The following PPARA variants were observed in gnomAD, a reference collection of about 807,000 sequenced individuals.
The protein encoded by PPARA is peroxisome proliferator-activated receptor alpha.
In PPARA, 22 loss-of-function variants were observed where a neutral mutation model predicts 42.2. The observed-to-expected ratio is 0.52, with a 90% CI of 0.37 to 0.74. The LOEUF is 0.74. Among genes scored for constraint, PPARA ranks in the 30% least tolerant of loss-of-function variants. The pLI is 0.00. For synonymous variants in PPARA, 242 were observed against 239.3 expected, an observed-to-expected ratio of 1.01 and a Z score of -0.10; for missense variants, 465 against 608.2, an observed-to-expected ratio of 0.76 and a Z score of 2.48.
In PPARA at chr22:46,191,710, A is replaced by C. The variant is rs1358613239; in HGVS notation, c.-42-6632A>C. Among the ~76,000 whole-genome samples, 1 of 152,178 alleles carries C rather than the reference A, an allele frequency of 6.6e-6. No individual in the cohort carries two copies. Among genetic ancestry groups the C allele is most frequent in the Non-Finnish European group, 1.5e-5 (1 of 68,018 alleles). On this transcript the variant is annotated intron_variant, in intron 3 of 8. Coordinates refer to ENST00000407236, the MANE Select transcript of PPARA (RefSeq NM_005036.6). This position sits in a 1 kb window ranked among gnomAD's most constrained non-coding sequence, Gnocchi z 4.6. ...ACAGAGCTGAGGTGAATTCTCACAG[A>C]CCATCACTGGGTTACTCCTGGAGTA...
At chr22:46,186,870 T>A (rs1002133771) in intron 3 of PPARA, among the ~76,000 whole-genome samples, 1 of 152,200 alleles carries the variant, frequency 6.6e-6, no homozygotes, top group African/African-American at 2.4e-5. Context: ...GTTTTTTCCC[T>A]GTATATGCAT....
chr22:46,215,751 A>AAT (rs1326775429), intron 5 of PPARA, among the ~76,000 whole-genome samples: 1 of 151,780 alleles, frequency 6.6e-6, no homozygotes, highest in African/African-American at 2.4e-5. Context: ...TTAAAAAAAA[A>AAT]GAAAGAAAAA....
At chr22:46,207,651 TTA>T (rs1569228019) in intron 4 of PPARA, among the ~76,000 whole-genome samples, 118 of 105,850 alleles carry the variant, frequency 1.1e-3, no homozygotes, top group African/African-American at 5.2e-3. Flanking sequence ...TAATTTATTA[TTA>T]TTATTATTAT....
In PPARA at chr22:46,234,178, G is replaced by C. The variant is rs757950416; in HGVS notation, c.1160-955G>C. 6.6e-6 allele frequency among the ~76,000 whole-genome samples: 1 copy of C among 152,118 alleles called. No individual in the cohort carries two copies. Among genetic ancestry groups the C allele is most frequent in the Non-Finnish European group, 1.5e-5 (1 of 68,028 alleles). Reference sequence around the variant, plus strand: ...TATAGCCCCAGCCACTCTGGAGGCCGAGGCAGGAGGATTGCTTGAGCCTAG... The same window carrying C: ...TATAGCCCCAGCCACTCTGGAGGCCCAGGCAGGAGGATTGCTTGAGCCTAG... On this transcript the variant is annotated intron_variant, in intron 8 of 8. Coordinates refer to ENST00000407236, the MANE Select transcript of PPARA (RefSeq NM_005036.6). This position sits in a 1 kb window ranked among gnomAD's most constrained non-coding sequence, Gnocchi z 5.8.
rs571817655 is a variant in PPARA, at chr22:46,237,610, CAAA to C, written c.*2244_*2246del. On this transcript the variant is annotated 3_prime_UTR_variant, in exon 9 of 9. Transcript: ENST00000407236. This position sits in a 1 kb window ranked among gnomAD's most constrained non-coding sequence, Gnocchi z 6.7. ...TAGATTCCACCCTCTCCCACCCCGGCAAAAAAAAAAAAAAAAGATGCAATCAAA... is the reference window on the plus strand; with the variant it reads ...TAGATTCCACCCTCTCCCACCCCGGCAAAAAAAAAAAAAGATGCAATCAAA... 4.7e-5 allele frequency: 5 copies of C among 105,926 alleles called. No individual in the cohort carries two copies. The highest frequency in any genetic ancestry group is 4.2e-5 in the Non-Finnish European group (2 of 48,128). 6.6% of individuals were successfully genotyped at this position (105,926 alleles called of 1,614,324 possible). A position where few individuals can be genotyped will look rare whatever the true frequency, so the allele number is the denominator to read the frequency against.
Position 46,196,457 on chromosome 22 carries a change from C to T in PPARA, c.-42-1885C>T, listed in dbSNP as rs1035938501. ...GCCCTGCGCCCCGCAGCCTGAGCCA[C>T]ACTGGCTGCCTGTTCCTGGAATGTG... On this transcript the variant is annotated intron_variant, in intron 3 of 8. Coordinates refer to ENST00000407236, the MANE Select transcript of PPARA (RefSeq NM_005036.6). The surrounding 1 kb of genome is among the most constrained non-coding windows in gnomAD (Gnocchi z 5.6). Among the ~76,000 whole-genome samples the T allele has an allele frequency of 1.3e-5, 2 of 152,252 alleles. No homozygotes were observed. Among genetic ancestry groups the T allele is most frequent in the East Asian group, 3.8e-4 (2 of 5,202 alleles).
rs1332533430 is a variant in PPARA at position 46,240,076 on chromosome 22, C to T, written c.*4696C>T. ...CAGCCTGGCCTTTGGTGGGGGGCTT[C>T]CTGGGGCCTGGGGAAAGCTGGCCAC... On this transcript the variant is annotated 3_prime_UTR_variant, in exon 9 of 9. Transcript: ENST00000407236. This position sits in a 1 kb window ranked among gnomAD's most constrained non-coding sequence, Gnocchi z 6.0. The T allele has an allele frequency of 2.5e-6, 1 of 398,586 alleles. No individual in the cohort carries two copies. Among genetic ancestry groups the T allele is most frequent in the East Asian group, 3.6e-5 (1 of 28,082 alleles). 24.7% of individuals were successfully genotyped at this position (398,586 alleles called of 1,614,324 possible).
chr22:46,200,938 G>T lies in PPARA; in HGVS notation c.208+2347G>T, dbSNP rs953032060. 6.6e-6 allele frequency among the ~76,000 whole-genome samples: 1 copy of T among 151,592 alleles called. No homozygotes were observed. Among genetic ancestry groups the T allele is most frequent in the Non-Finnish European group, 1.5e-5 (1 of 67,908 alleles). The stretch of plus-strand genomic sequence containing the variant: ...GACTCCATCTCAAAAAAAAGTTGGG[G>T]CGTGGTGGCTCATGCCTGTAATCCC... On this transcript the variant is annotated intron_variant, in intron 4 of 8. Transcript: ENST00000407236. This position sits in a 1 kb window ranked among gnomAD's most constrained non-coding sequence, Gnocchi z 4.8.
intron 2 of PPARA, among the ~76,000 whole-genome samples, chr22:46,157,394 G>T (rs1250626359): frequency 6.6e-6 from 1 of 152,110 alleles, no homozygotes; most frequent in African/African-American, 2.4e-5. Flanking sequence ...CAGCGAAATT[G>T]TCCCAGACCT....
At chr22:46,159,080 G>A (rs184963049) in intron 2 of PPARA, among the ~76,000 whole-genome samples, 77 of 152,140 alleles carry the variant, frequency 5.1e-4, no homozygotes, top group South Asian at 8.3e-4. Flanking sequence ...TAGTGGAGAC[G>A]GGCTTTCACC....
chr22:46,220,816 A>C (rs759837177), intron 7 of PPARA, among the ~76,000 whole-genome samples: 1 of 151,796 alleles, frequency 6.6e-6, no homozygotes, highest in Non-Finnish European at 1.5e-5. Flanking sequence ...GGTGGCACAC[A>C]CCTGTAATTC....
At position 46,182,014 on chromosome 22, in the gene PPARA, A is replaced by C. The variant is rs1212489030; in HGVS notation, c.-43+5178A>C. Among the ~76,000 whole-genome samples, 1 of 152,062 alleles carries C rather than the reference A, an allele frequency of 6.6e-6. No individual in the cohort carries two copies. The highest frequency in any genetic ancestry group is 2.1e-4 in the South Asian group (1 of 4,830). On this transcript the variant is annotated intron_variant, in intron 3 of 8. Coordinates refer to ENST00000407236, the MANE Select transcript of PPARA (RefSeq NM_005036.6). This position sits in a 1 kb window ranked among gnomAD's most constrained non-coding sequence, Gnocchi z 5.2. The stretch of plus-strand genomic sequence containing the variant: ...CCACCACGCCTGGCTAATTTTTTTA[A>C]ATTTTATTTTTAGTAGAGACGGGGT...
At position 46,160,365 on chromosome 22, in the gene PPARA, C is replaced by T. The variant is rs542548554; in HGVS notation, c.-127+8395C>T. On this transcript the variant is annotated intron_variant, in intron 2 of 8. Coordinates refer to ENST00000407236, the MANE Select transcript of PPARA (RefSeq NM_005036.6). The surrounding 1 kb of genome is among the most constrained non-coding windows in gnomAD (Gnocchi z 4.5). ...AGGCCGGAGTGCAGTGGTGCGATCT[C>T]AGCTCACTGCAATCTCTGCCTCCTG... Among the ~76,000 whole-genome samples the T allele has an allele frequency of 6.6e-6, 1 of 152,294 alleles. No homozygotes were observed. Among genetic ancestry groups the T allele is most frequent in the African/African-American group, 2.4e-5 (1 of 41,554 alleles).
intron 4 of PPARA, among the ~76,000 whole-genome samples, chr22:46,205,554 A>ATT (rs1322589111): frequency 0.011 from 141 of 12,934 alleles, 32 homozygotes; most frequent in South Asian, 0.023. Context: ...ATATATATAT[A>ATT]TTTTTTTTTT....
At chr22:46,228,594 C>T (rs984812872) in intron 7 of PPARA, among the ~76,000 whole-genome samples, 4 of 152,086 alleles carry the variant, frequency 2.6e-5, no homozygotes, top group African/African-American at 4.8e-5. Flanking sequence ...CTGTAAATTA[C>T]GTAGCCAGGC....
chr22:46,167,190 C>G lies in PPARA; in HGVS notation c.-126-9563C>G, dbSNP rs1927198567. On this transcript the variant is annotated intron_variant, in intron 2 of 8. Transcript: ENST00000407236. This position sits in a 1 kb window ranked among gnomAD's most constrained non-coding sequence, Gnocchi z 4.1. ...AACTGGATAGCCATATGCAAAAGAA[C>G]CTCAACCTTCAGCTCACAGCACTAC... 6.6e-6 allele frequency among the ~76,000 whole-genome samples: 1 copy of G among 151,850 alleles called. No homozygotes were observed. The highest frequency in any genetic ancestry group is 1.5e-5 in the Non-Finnish European group (1 of 67,976).
chr22:46,179,841 CAG>C (rs1929696874), intron 3 of PPARA, among the ~76,000 whole-genome samples: 1 of 152,126 alleles, frequency 6.6e-6, no homozygotes, highest in African/African-American at 2.4e-5. Context: ...AGCTGGAAGA[CAG>C]AAAAAATTCT....
rs1047360341 is a variant in PPARA, at chr22:46,162,267, A to G, written c.-127+10297A>G. Among the ~76,000 whole-genome samples the G allele has an allele frequency of 6.6e-6, 1 of 151,990 alleles. No individual in the cohort carries two copies. Among genetic ancestry groups the G allele is most frequent in the African/African-American group, 2.4e-5 (1 of 41,386 alleles). On this transcript the variant is annotated intron_variant, in intron 2 of 8. Transcript: ENST00000407236. This position sits in a 1 kb window ranked among gnomAD's most constrained non-coding sequence, Gnocchi z 6.0. ...TTCCTTGCTTATCATTGCCTCTCCC[A>G]TCTTAATGTTGTCCCATCCATCCAA...
Position 46,222,135 on chromosome 22 carries a change from G to A in PPARA, c.711+2121G>A, listed in dbSNP as rs1428042355. Among the ~76,000 whole-genome samples the A allele has an allele frequency of 6.6e-6, 1 of 151,868 alleles. No individual in the cohort carries two copies. Among genetic ancestry groups the A allele is most frequent in the African/African-American group, 2.4e-5 (1 of 41,318 alleles). On this transcript the variant is annotated intron_variant, in intron 7 of 8. Coordinates refer to ENST00000407236, the MANE Select transcript of PPARA (RefSeq NM_005036.6). The surrounding 1 kb of genome is among the most constrained non-coding windows in gnomAD (Gnocchi z 5.9). Reference sequence around the variant, plus strand: ...TGTTATAGAAAGCCTGTCTTTTAAGGTAGCTCTGGACCTTTTCAGAGGCAG... The same window carrying A: ...TGTTATAGAAAGCCTGTCTTTTAAGATAGCTCTGGACCTTTTCAGAGGCAG...
Sources: gnomAD v4.1 joint callset for allele counts (sites outside exome capture counted in the v4.1 genomes callset) on GRCh38, gnomAD v4.1.1 for gene constraint, Gnocchi (gnomAD v3.1) non-coding constraint, MANE v1.5 for transcripts, NCBI Gene and HGNC (gene_info 2026-07-23, HGNC 2026-07-21) for gene names.